PPFIA2: variants seen among roughly 807,000 people sequenced by gnomAD.
The protein encoded by PPFIA2 is PPFI scaffold protein A2, also known as liprin-alpha-2.
Under a neutral mutation model 175.5 loss-of-function variants are expected in PPFIA2, and 46 were observed. The observed-to-expected ratio is 0.26, with a 90% CI of 0.21 to 0.34. The LOEUF (loss-of-function observed/expected upper bound fraction) is 0.34. PPFIA2 is among the 10% of genes least tolerant of loss of function. The probability of loss-of-function intolerance (pLI) is 1.00; values close to 1 mark genes in which losing one functional copy is unlikely to be tolerated. For missense variants in PPFIA2, 1,179 were observed against 1,506.1 expected (o/e 0.78, Z 3.60); for synonymous variants, 568 against 511.4 (o/e 1.11, Z -1.49).
At chr12:81,280,693 T>C (rs1282068432) in intron 27 of PPFIA2, among the ~76,000 whole-genome samples, 4 of 152,030 alleles carry the variant, frequency 2.6e-5, no homozygotes, top group African/African-American at 9.7e-5. Context: ...AAAAAAGACA[T>C]TGCCTTTTGT....
At chr12:81,647,872 ATAT>A (rs960373245) in intron 4 of PPFIA2, among the ~76,000 whole-genome samples, 3 of 142,660 alleles carry the variant, frequency 2.1e-5, no homozygotes, top group African/African-American at 7.7e-5. Context: ...AATATAATAT[ATAT>A]TATATATATA....
In PPFIA2 at chr12:81,559,630, T is replaced by C. The variant is rs539144389; in HGVS notation, c.304-101764A>G. ...AGAAACTCCGTTATAAACTTAAGAA[T>C]GGGTTCAATTGCTATTGTGTCAAGG... On this transcript the variant is annotated intron_variant, in intron 4 of 32. Coordinates refer to ENST00000549396, the MANE Select transcript of PPFIA2 (RefSeq NM_003625.5). 4.6e-5 allele frequency among the ~76,000 whole-genome samples: 7 copies of C among 152,282 alleles called. No homozygotes were observed. The South Asian group carries it at 1.2e-3, about 27-fold the overall frequency.
chr12:81,316,421 A>C (rs994304388), intron 22 of PPFIA2, among the ~76,000 whole-genome samples: 4 of 151,656 alleles, frequency 2.6e-5, no homozygotes, highest in Non-Finnish European at 4.4e-5. Flanking sequence ...TTAAAAAGCC[A>C]TAATTATTCT....
At chr12:81,274,645 T>C (rs953789761) in intron 28 of PPFIA2, among the ~76,000 whole-genome samples, 2 of 152,234 alleles carry the variant, frequency 1.3e-5, no homozygotes, top group African/African-American at 4.8e-5. Context: ...CAGTGTTGAC[T>C]GCTTCTTAGC....
intron 3 of PPFIA2, among the ~76,000 whole-genome samples, chr12:81,699,446 G>A (rs118135402): frequency 0.013 from 2,039 of 151,616 alleles, 19 homozygotes; most frequent in Non-Finnish European, 0.022. Context: ...AAAATTTTAT[G>A]TAACCAAAAT....
chr12:81,738,641 A>G (rs2081941162), intron 3 of PPFIA2, among the ~76,000 whole-genome samples: 1 of 152,010 alleles, frequency 6.6e-6, no homozygotes, highest in South Asian at 2.1e-4. Flanking sequence ...GAGGAAAAAA[A>G]TGCAATTCAA....
chr12:81,307,408 T>C (rs1339209612), intron 22 of PPFIA2, among the ~76,000 whole-genome samples: 1 of 152,208 alleles, frequency 6.6e-6, no homozygotes. Context: ...GGATCCTTGA[T>C]TATAGGGCAT....
chr12:81,677,636 T>G (rs1170723166), intron 3 of PPFIA2, among the ~76,000 whole-genome samples: 1 of 151,874 alleles, frequency 6.6e-6, no homozygotes, highest in East Asian at 1.9e-4. Context: ...TACCTAATAT[T>G]CTCCAGGATC....
Position 81,267,039 on chromosome 12 carries a change from A to T in PPFIA2, c.3487-19T>A. The stretch of plus-strand genomic sequence containing the variant: ...GCCTTGCCTGTTGACGTCAAATTAC[A>T]GTTACCATCACCGAAATCACATTTT... On this transcript the variant is annotated intron_variant, in intron 29 of 32. Transcript: ENST00000549396. 6.4e-7 allele frequency: 1 copy of T among 1,567,230 alleles called. No individual in the cohort carries two copies. Among genetic ancestry groups the T allele is most frequent in the Non-Finnish European group, 8.8e-7 (1 of 1,138,316 alleles).
At chr12:81,288,454 G>A (rs553349006) in intron 24 of PPFIA2, among the ~76,000 whole-genome samples, 54 of 151,816 alleles carry the variant, frequency 3.6e-4, no homozygotes, top group Admixed American at 9.2e-4. Context: ...TCTAAAAAAT[G>A]ATCAGAATTA....
chr12:81,746,884 G>T (rs2083131104), intron 3 of PPFIA2, among the ~76,000 whole-genome samples: 1 of 143,576 alleles, frequency 7.0e-6, no homozygotes, highest in African/African-American at 2.4e-5. Flanking sequence ...AGCCTAGAAA[G>T]GGAATGTTTA....
intron 4 of PPFIA2, among the ~76,000 whole-genome samples, chr12:81,518,936 A>C (rs2062786766): frequency 6.6e-6 from 1 of 152,226 alleles, no homozygotes; most frequent in Non-Finnish European, 1.5e-5. Context: ...TGAGTCATAT[A>C]GAATAAACCC....
At chr12:81,333,655 A>G (rs558609290) in intron 21 of PPFIA2, among the ~76,000 whole-genome samples, 12 of 152,166 alleles carry the variant, frequency 7.9e-5, no homozygotes, top group Non-Finnish European at 1.3e-4. Context: ...TGCTTCCAAG[A>G]ACTATACTTT....
chr12:81,524,868 C>T (rs554305755), intron 4 of PPFIA2, among the ~76,000 whole-genome samples: 1 of 152,250 alleles, frequency 6.6e-6, no homozygotes, highest in East Asian at 1.9e-4. Context: ...AGGTGATGAG[C>T]TGATGAGGGC....
At chr12:81,597,723 C>T (rs1017081891) in intron 4 of PPFIA2, among the ~76,000 whole-genome samples, 3 of 132,418 alleles carry the variant, frequency 2.3e-5, no homozygotes, top group Admixed American at 1.6e-4. Flanking sequence ...TTAAAAATTC[C>T]TGTGGAAAAT....
intron 8 of PPFIA2, among the ~76,000 whole-genome samples, chr12:81,400,313 G>A (rs2041899881): frequency 6.6e-6 from 1 of 152,128 alleles, no homozygotes; most frequent in East Asian, 1.9e-4. Context: ...TTTTGTCATT[G>A]GTTGTTCATT....
chr12:81,624,688 G>A (rs1489645797), intron 4 of PPFIA2, among the ~76,000 whole-genome samples: 1 of 149,132 alleles, frequency 6.7e-6, no homozygotes, highest in Non-Finnish European at 1.5e-5. Flanking sequence ...CAACTTGGAT[G>A]GAGCTGGAAG....
At chr12:81,343,232 T>C (rs1216186517) in intron 19 of PPFIA2, among the ~76,000 whole-genome samples, 3 of 152,072 alleles carry the variant, frequency 2.0e-5, no homozygotes, top group South Asian at 2.1e-4. Context: ...CCTCTTTCCA[T>C]GACTTTTCTC....
chr12:81,645,066 T>C (rs1037080844), intron 4 of PPFIA2, among the ~76,000 whole-genome samples: 4 of 151,990 alleles, frequency 2.6e-5, no homozygotes, highest in Admixed American at 2.6e-4. Context: ...ATAGAAATAC[T>C]ATATTTAAAC....
Sources: allele counts gnomAD v4.1 joint callset (sites outside exome capture counted in the v4.1 genomes callset), GRCh38; gene constraint gnomAD v4.1.1; transcripts MANE v1.5; gene names NCBI Gene and HGNC (gene_info 2026-07-23, HGNC 2026-07-21).